SEMA4D: variants seen among roughly 807,000 people sequenced by gnomAD.
SEMA4D encodes semaphorin 4D, also known as semaphorin-4D.
A neutral mutation model predicts 74.8 loss-of-function variants in SEMA4D; 22 were observed. The observed-to-expected ratio is 0.29, with a 90% CI of 0.21 to 0.42. The LOEUF is 0.42. Ranked by LOEUF, SEMA4D falls within the 10% of genes least tolerant of loss-of-function variation. The probability of loss-of-function intolerance (pLI) is 1.00; values close to 1 mark genes in which losing one functional copy is unlikely to be tolerated. For missense variants in SEMA4D, 937 were observed against 1,118.4 expected, an observed-to-expected ratio of 0.84 and a Z score of 2.31; for synonymous variants, 445 against 463.7, an observed-to-expected ratio of 0.96 and a Z score of 0.52.
chr9:89,449,747 C>A, intron 2 of SEMA4D: 1 of 1,524,276 alleles, frequency 6.6e-7, no homozygotes, highest in East Asian at 2.3e-5. Context: ...CAGGGAAAAT[C>A]TTCAAGAAAG....
intron 2 of SEMA4D, among the ~76,000 whole-genome samples, chr9:89,424,911 C>A (rs945070522): frequency 6.6e-6 from 1 of 152,168 alleles, no homozygotes; most frequent in African/African-American, 2.4e-5. Flanking sequence ...TCACACTATT[C>A]TCTTGCTCCA....
chr9:89,391,225 T>A, intron 9 of SEMA4D, 39 bp downstream of exon 9: 1 of 1,602,634 alleles, frequency 6.2e-7, no homozygotes, highest in Admixed American at 1.7e-5. Flanking sequence ...ACTATTGCCA[T>A]GGCAGGGGCC....
At chr9:89,451,556 G>C (rs1486975565) in intron 2 of SEMA4D, among the ~76,000 whole-genome samples, 1 of 152,114 alleles carries the variant, frequency 6.6e-6, no homozygotes, top group Non-Finnish European at 1.5e-5. Flanking sequence ...GAAAAACGAA[G>C]AACCAGAGGA....
intron 1 of SEMA4D, among the ~76,000 whole-genome samples, chr9:89,489,798 C>T (rs1472269348): frequency 1.3e-5 from 2 of 152,222 alleles, no homozygotes; most frequent in African/African-American, 4.8e-5. Flanking sequence ...GGAATAGTGC[C>T]ACTGTGAACA....
rs377513512 is a variant in SEMA4D, at chr9:89,388,801, G to C, written c.951-9C>G. 1.2e-6 allele frequency: 2 copies of C among 1,604,936 alleles called. No homozygotes were observed. The highest frequency in any genetic ancestry group is 1.6e-4 in the Middle Eastern group (1 of 6,062). The stretch of plus-strand genomic sequence containing the variant: ...ACAGCCCCACGTTGTTCCTGGGGAG[G>C]GGAAAGAGGTGACGGGACCACCTGG... On this transcript the variant is annotated splice_polypyrimidine_tract_variant and intron_variant, in intron 10 of 15. Coordinates refer to ENST00000422704, the MANE Select transcript of SEMA4D (RefSeq NM_001371194.2).
chr9:89,367,105 T>C (rs1336807569), intron 16 of SEMA4D: 1 of 152,608 alleles, frequency 6.6e-6, no homozygotes, highest in Admixed American at 6.5e-5. Flanking sequence ...ACATTAAAGA[T>C]GTTAAAGAAG....
chr9:89,470,551 T>G (rs922857774), intron 1 of SEMA4D, among the ~76,000 whole-genome samples: 2 of 152,188 alleles, frequency 1.3e-5, no homozygotes, highest in Non-Finnish European at 1.5e-5. Context: ...TAGAAAAGAC[T>G]TGGGCAGTTT....
intron 1 of SEMA4D, among the ~76,000 whole-genome samples, chr9:89,465,096 T>A (rs1858337326): frequency 6.6e-6 from 1 of 152,138 alleles, no homozygotes; most frequent in Non-Finnish European, 1.5e-5. Flanking sequence ...AGGGGGCACA[T>A]TTCCACATAT....
chr9:89,431,439 AT>A, intron 2 of SEMA4D, among the ~76,000 whole-genome samples: 1 of 152,204 alleles, frequency 6.6e-6, no homozygotes, highest in South Asian at 2.1e-4. Context: ...TATCTTCCAA[AT>A]TTTTTTACTG....
chr9:89,396,985 A>G, intron 5 of SEMA4D, 150 bp from the exon 6 acceptor site: 1 of 678,300 alleles, frequency 1.5e-6, no homozygotes. Flanking sequence ...GCATGTGTGC[A>G]TTCTCAGCCT....
chr9:89,395,152 G>A (rs1489745317), intron 6 of SEMA4D, among the ~76,000 whole-genome samples: 4 of 152,168 alleles, frequency 2.6e-5, no homozygotes, highest in African/African-American at 4.8e-5. Context: ...TTGACGGGGC[G>A]TGGTGGCTCA....
chr9:89,428,905 C>T (rs984062652), intron 2 of SEMA4D, among the ~76,000 whole-genome samples: 2 of 152,250 alleles, frequency 1.3e-5, no homozygotes, highest in Non-Finnish European at 2.9e-5. Flanking sequence ...CCCTGGGTCC[C>T]TCAGGGCCCC....
At chr9:89,414,738 C>A (rs1845331304) in intron 2 of SEMA4D, among the ~76,000 whole-genome samples, 1 of 152,184 alleles carries the variant, frequency 6.6e-6, no homozygotes, top group African/African-American at 2.4e-5. Flanking sequence ...TGGAGACCAA[C>A]ACTCCAGCTC....
At chr9:89,457,851 G>A (rs566119729) in intron 1 of SEMA4D, among the ~76,000 whole-genome samples, 1 of 151,310 alleles carries the variant, frequency 6.6e-6, no homozygotes, top group Non-Finnish European at 1.5e-5. Context: ...AGCTAACACG[G>A]TGAAACCCCA....
At chr9:89,384,265 C>G (rs1028293412) in intron 13 of SEMA4D, among the ~76,000 whole-genome samples, 1 of 152,158 alleles carries the variant, frequency 6.6e-6, no homozygotes, top group Non-Finnish European at 1.5e-5. Flanking sequence ...AACGCACACA[C>G]AAAATGCGGG....
At chr9:89,483,758 C>T (rs2136210181) in intron 1 of SEMA4D, among the ~76,000 whole-genome samples, 1 of 152,120 alleles carries the variant, frequency 6.6e-6, no homozygotes, top group South Asian at 2.1e-4. Flanking sequence ...GCGTGTGCTG[C>T]CTCACAATAT....
chr9:89,464,778 G>C (rs1419367603), intron 1 of SEMA4D, among the ~76,000 whole-genome samples: 1 of 151,972 alleles, frequency 6.6e-6, no homozygotes, highest in Non-Finnish European at 1.5e-5. Context: ...GGTTGCAGGG[G>C]TCCCCCGCCT....
intron 1 of SEMA4D, among the ~76,000 whole-genome samples, chr9:89,483,672 G>A (rs62551177): frequency 9.9e-6 from 1 of 101,386 alleles, no homozygotes; most frequent in African/African-American, 3.3e-5. Flanking sequence ...ATATCAGGGG[G>A]TGTCACAGAT....
At chr9:89,385,791 G>A in intron 13 of SEMA4D, 3 of 589,682 alleles carry the variant, frequency 5.1e-6, no homozygotes, top group Non-Finnish European at 6.4e-6. Flanking sequence ...GACTGGGCCT[G>A]GATCCCACAA....
Sources: allele counts gnomAD v4.1 joint callset (sites outside exome capture counted in the v4.1 genomes callset), GRCh38; gene constraint gnomAD v4.1.1; transcripts MANE v1.5; gene names NCBI Gene and HGNC (gene_info 2026-07-23, HGNC 2026-07-21).